USP12: variants seen among roughly 807,000 people sequenced by gnomAD.
The protein encoded by USP12 is ubiquitin carboxyl-terminal hydrolase 12.
USP12 carries 19 observed loss-of-function variants against 45.5 expected under a neutral mutation model. The observed-to-expected ratio is 0.42, with a 90% confidence interval of 0.29 to 0.61. The LOEUF is 0.61. Among genes scored for constraint, USP12 ranks in the 20% least tolerant of loss-of-function variants. The pLI, the probability that USP12 is intolerant of heterozygous loss-of-function variation, is 0.22. For synonymous variants in USP12, 149 were observed against 148.8 expected (o/e 1.00, Z -0.01); for missense variants, 242 against 447.7 (o/e 0.54, Z 4.15).
chr13:27,171,057 C>G (rs942220787), intron 1 of USP12, among the ~76,000 whole-genome samples: 7 of 152,238 alleles, frequency 4.6e-5, no homozygotes, highest in African/African-American at 1.7e-4. Context: ...GCTGCCCGCC[C>G]CGGCCGAGAC....
intron 1 of USP12, among the ~76,000 whole-genome samples, chr13:27,127,514 A>G (rs1203571750): frequency 1.3e-5 from 2 of 152,330 alleles, no homozygotes; most frequent in Non-Finnish European, 2.9e-5. Flanking sequence ...AGGTCTTCTG[A>G]AAACCATTTG....
rs552154209 is a variant in USP12 at position 27,098,092 on chromosome 13, C to T, written c.344-2262G>A. The stretch of plus-strand genomic sequence containing the variant: ...TTGTGCAGGGAAGTAAATTTGTGTA[C>T]ACTGAACCATCAGAAAGTAAAGTTG... On this transcript the variant is annotated intron_variant, in intron 3 of 8. Coordinates refer to ENST00000282344, the MANE Select transcript of USP12 (RefSeq NM_182488.4). 2.1e-4 allele frequency among the ~76,000 whole-genome samples: 32 copies of T among 150,206 alleles called. No individual in the cohort carries two copies. In the South Asian group the frequency reaches 6.3e-3, roughly 30 times the overall value.
intron 3 of USP12, among the ~76,000 whole-genome samples, chr13:27,096,625 G>A (rs1414087731): frequency 6.6e-6 from 1 of 152,144 alleles, no homozygotes; most frequent in African/African-American, 2.4e-5. Flanking sequence ...TTGTAAACAT[G>A]AAAATGGGAC....
intron 1 of USP12, among the ~76,000 whole-genome samples, chr13:27,126,248 G>A (rs1353145457): frequency 1.3e-5 from 2 of 152,184 alleles, no homozygotes; most frequent in Middle Eastern, 3.2e-3. Flanking sequence ...CATACAGGCT[G>A]GTGCCCCCTG....
At chr13:27,157,071 G>C (rs1302856079) in intron 1 of USP12, among the ~76,000 whole-genome samples, 3 of 151,966 alleles carry the variant, frequency 2.0e-5, no homozygotes, top group Non-Finnish European at 4.4e-5. Context: ...GTTTTTGTTT[G>C]GAAAAAATGA....
At chr13:27,123,999 T>C (rs1307496549) in intron 1 of USP12, among the ~76,000 whole-genome samples, 1 of 152,190 alleles carries the variant, frequency 6.6e-6, no homozygotes, top group African/African-American at 2.4e-5. Flanking sequence ...ACCTATTATT[T>C]TGATAATATA....
At position 27,105,889 on chromosome 13, in the gene USP12, GGAC is replaced by G; in HGVS notation, c.182_184del (p.Arg61del). 6.2e-7 allele frequency: 1 copy of G among 1,613,630 alleles called. No individual in the cohort carries two copies. Among genetic ancestry groups the G allele is most frequent in the Non-Finnish European group, 8.5e-7 (1 of 1,179,764 alleles). On this transcript the variant is annotated inframe_deletion, in exon 3 of 9. Coordinates refer to ENST00000282344, the MANE Select transcript of USP12 (RefSeq NM_182488.4). ...ATACGCAAGAACTTTTTCCCGAAAT[GGAC>G]GACAAAAATAAAGTGCTTGAAGAAC...
chr13:27,070,751 C>A (rs1017815372), intron 8 of USP12, among the ~76,000 whole-genome samples: 1 of 152,080 alleles, frequency 6.6e-6, no homozygotes, highest in African/African-American at 2.4e-5. Flanking sequence ...CAGGGTTTCT[C>A]CATATTGGTC....
At chr13:27,086,193 A>ATATATATATATATATATAT (rs1333218859) in intron 6 of USP12, among the ~76,000 whole-genome samples, 1 of 66,940 alleles carries the variant, frequency 1.5e-5, no homozygotes, top group Admixed American at 2.0e-4. Flanking sequence ...AAAAAAAAAA[A>ATATATATATATATATATAT]AAAAATATAT....
At chr13:27,092,902 C>T (rs1490910575) in intron 4 of USP12, among the ~76,000 whole-genome samples, 1 of 152,108 alleles carries the variant, frequency 6.6e-6, no homozygotes, top group African/African-American at 2.4e-5. Flanking sequence ...ACATTAAAAA[C>T]TTCTGCTCTG....
At chr13:27,117,458 G>A (rs1047462862) in intron 1 of USP12, among the ~76,000 whole-genome samples, 1 of 152,054 alleles carries the variant, frequency 6.6e-6, no homozygotes, top group Non-Finnish European at 1.5e-5. Context: ...CAGCAGTCTA[G>A]ATGGGCCATT....
At chr13:27,138,576 T>C (rs1015656635) in intron 1 of USP12, among the ~76,000 whole-genome samples, 25 of 152,308 alleles carry the variant, frequency 1.6e-4, no homozygotes, top group Non-Finnish European at 3.2e-4. Flanking sequence ...CCATGAGGCA[T>C]TATCAATGCT....
intron 1 of USP12, among the ~76,000 whole-genome samples, chr13:27,142,116 T>G (rs925234841): frequency 1.3e-5 from 2 of 152,124 alleles, no homozygotes; most frequent in African/African-American, 2.4e-5. Flanking sequence ...AGCGAGACTC[T>G]GTCTCAAAAA....
chr13:27,143,317 T>C (rs1334742014), intron 1 of USP12, among the ~76,000 whole-genome samples: 1 of 151,694 alleles, frequency 6.6e-6, no homozygotes, highest in Non-Finnish European at 1.5e-5. Context: ...GGGTAGGGAG[T>C]ATCACATTGA....
At chr13:27,133,484 C>T (rs961899503) in intron 1 of USP12, among the ~76,000 whole-genome samples, 3 of 152,038 alleles carry the variant, frequency 2.0e-5, no homozygotes, top group East Asian at 1.9e-4. Flanking sequence ...AAAAATTAGC[C>T]GGGTGTGGTG....
intron 1 of USP12, among the ~76,000 whole-genome samples, chr13:27,152,395 T>C (rs1053243177): frequency 2.6e-5 from 4 of 152,106 alleles, no homozygotes; most frequent in African/African-American, 9.7e-5. Context: ...TACTCTATGA[T>C]TCCACATACC....
chr13:27,137,214 G>A (rs1876846146), intron 1 of USP12, among the ~76,000 whole-genome samples: 1 of 152,122 alleles, frequency 6.6e-6, no homozygotes, highest in African/African-American at 2.4e-5. Context: ...GAAGCCTCAT[G>A]AGCCTAAAAC....
intron 1 of USP12, among the ~76,000 whole-genome samples, chr13:27,148,691 T>TATAA (rs1215667357): frequency 2.2e-5 from 3 of 138,274 alleles, no homozygotes; most frequent in Middle Eastern, 3.9e-3. Context: ...TATATATATA[T>TATAA]AATATAAATA....
chr13:27,149,876 G>A (rs1037294561), intron 1 of USP12, among the ~76,000 whole-genome samples: 1 of 152,182 alleles, frequency 6.6e-6, no homozygotes, highest in African/African-American at 2.4e-5. Context: ...TCATAACAGG[G>A]TTCACACTCC....
Sources: gnomAD v4.1 joint callset for allele counts (sites outside exome capture counted in the v4.1 genomes callset) on GRCh38, gnomAD v4.1.1 for gene constraint, MANE v1.5 for transcripts, NCBI Gene and HGNC (gene_info 2026-07-23, HGNC 2026-07-21) for gene names.